MAP3K20: variants seen among roughly 807,000 people sequenced by gnomAD.
MAP3K20 encodes mitogen-activated protein kinase kinase kinase 20, also known as HCCS-4.
Under a neutral mutation model 85.7 loss-of-function variants are expected in MAP3K20, and 40 were observed. The observed-to-expected ratio is 0.47, with a 90% CI of 0.36 to 0.61. The LOEUF (loss-of-function observed/expected upper bound fraction) is 0.61, where lower values mean the gene tolerates loss of function less well. Among genes scored for constraint, MAP3K20 ranks in the 20% least tolerant of loss-of-function variants. The probability of loss-of-function intolerance (pLI) is 0.00; values close to 1 mark genes in which losing one functional copy is unlikely to be tolerated. For synonymous variants in MAP3K20, 325 were observed against 327.7 expected, an observed-to-expected ratio of 0.99 and a Z score of 0.09; for missense variants, 817 against 961.7, an observed-to-expected ratio of 0.85 and a Z score of 1.99.
At chr2:173,229,618 C>A in intron 11 of MAP3K20, 71 bp from the exon 12 acceptor site, 1 of 1,594,756 alleles carries the variant, frequency 6.3e-7, no homozygotes, top group South Asian at 1.1e-5. Flanking sequence ...AAGAGTGAGA[C>A]AAGAGGATGA....
chr2:173,152,414 T>C (rs1422593407), intron 2 of MAP3K20, among the ~76,000 whole-genome samples: 2 of 152,184 alleles, frequency 1.3e-5, no homozygotes, highest in Admixed American at 6.5e-5. Context: ...AGAATACAGA[T>C]TGAAGCCTGT....
upstream of MAP3K20, chr2:173,075,701 G>A: frequency 1.1e-6 from 1 of 938,054 alleles, no homozygotes; most frequent in Non-Finnish European, 1.2e-6. Context: ...GGGTGCCGGG[G>A]CGCGGGGCGG....
chr2:173,264,005 A>G, intron 19 of MAP3K20, 110 bp downstream of exon 19: 1 of 1,409,236 alleles, frequency 7.1e-7, no homozygotes, highest in Non-Finnish European at 9.4e-7. Context: ...GTTAAGATCT[A>G]TCTTTGAGCT....
At chr2:173,226,520 T>C in intron 11 of MAP3K20, 3 of 985,836 alleles carry the variant, frequency 3.0e-6, no homozygotes, top group Non-Finnish European at 3.6e-6. Context: ...CTCTCGATTG[T>C]AGCATAGCCT....
At chr2:173,103,060 AAAAAAAAGAAAAG>A (rs913651394) in intron 2 of MAP3K20, among the ~76,000 whole-genome samples, 36 of 152,228 alleles carry the variant, frequency 2.4e-4, no homozygotes, top group African/African-American at 8.4e-4. Context: ...TCTCAAAAAG[AAAAAAAAGAAAAG>A]AAAAAAAGAA....
chr2:173,075,800 C>G (rs1195593879), upstream of MAP3K20: 3 of 985,390 alleles, frequency 3.0e-6, no homozygotes, highest in Non-Finnish European at 3.6e-6. Context: ...GCGGCCCAGC[C>G]GTTTCGCGCC....
chr2:173,224,051 T>C, intron 11 of MAP3K20: 1 of 965,526 alleles, frequency 1.0e-6, no homozygotes, highest in Non-Finnish European at 1.2e-6. Context: ...ATCTTTGCAC[T>C]CACAGAGCTT....
intron 16 of MAP3K20, among the ~76,000 whole-genome samples, chr2:173,256,482 TAGA>T: frequency 3.6e-4 from 1 of 2,782 alleles, no homozygotes; most frequent in South Asian, 6.8e-3. Context: ...TTTAAAAAAA[TAGA>T]TAGATAGATA....
At chr2:173,109,372 G>C (rs1687876284) in intron 2 of MAP3K20, among the ~76,000 whole-genome samples, 1 of 152,292 alleles carries the variant, frequency 6.6e-6, no homozygotes, top group Middle Eastern at 3.4e-3. Context: ...TTATAAAGGG[G>C]AGAAATCTGT....
intron 11 of MAP3K20, chr2:173,226,001 T>C: frequency 2.0e-6 from 2 of 985,332 alleles, no homozygotes; most frequent in Non-Finnish European, 2.4e-6. Context: ...GAAAGCAAAA[T>C]TACATTTTAC....
At chr2:173,146,404 TGAA>T (rs1283193268) in intron 2 of MAP3K20, among the ~76,000 whole-genome samples, 1 of 152,210 alleles carries the variant, frequency 6.6e-6, no homozygotes, top group African/African-American at 2.4e-5. Flanking sequence ...GAAGGTGAAT[TGAA>T]GTGTAATTCA....
intron 2 of MAP3K20, among the ~76,000 whole-genome samples, chr2:173,123,877 C>G (rs1246695500): frequency 1.3e-5 from 2 of 152,012 alleles, no homozygotes. Flanking sequence ...TAGACTTGGG[C>G]TGGGGGTTAA....
chr2:173,138,037 G>A lies in MAP3K20; in HGVS notation c.160-31768G>A, dbSNP rs903697411. Among the ~76,000 whole-genome samples, 7 of 152,080 alleles carry A rather than the reference G, an allele frequency of 4.6e-5. No homozygotes were observed. In the East Asian group the frequency reaches 7.7e-4, roughly 17 times the overall value. On this transcript the variant is annotated intron_variant, in intron 2 of 19. Transcript: ENST00000375213. ...CTGGAGTGTGCAGTGGCGTGATCTC[G>A]GCTCACTGCAACCTCCGCCTCACAG...
chr2:173,079,464 A>G (rs1167288670), intron 1 of MAP3K20, among the ~76,000 whole-genome samples: 1 of 152,128 alleles, frequency 6.6e-6, no homozygotes, highest in Non-Finnish European at 1.5e-5. Context: ...GATTTATTTA[A>G]ACATTTTTCT....
At chr2:173,215,858 T>C (rs1023595370) in intron 10 of MAP3K20, 5 of 152,216 alleles carry the variant, frequency 3.3e-5, no homozygotes, top group African/African-American at 1.2e-4. Flanking sequence ...AAGGCAGACT[T>C]TGGTTACATA....
At chr2:173,203,428 C>G (rs1253952981) in intron 8 of MAP3K20, among the ~76,000 whole-genome samples, 1 of 152,104 alleles carries the variant, frequency 6.6e-6, no homozygotes, top group African/African-American at 2.4e-5. Context: ...GTTACCTGGC[C>G]TATTTACATA....
intron 16 of MAP3K20, among the ~76,000 whole-genome samples, chr2:173,240,633 A>G (rs1038738452): frequency 6.6e-6 from 1 of 152,236 alleles, no homozygotes; most frequent in East Asian, 1.9e-4. Context: ...ACAATGAGAT[A>G]TCATCTCACC....
intron 2 of MAP3K20, among the ~76,000 whole-genome samples, chr2:173,168,270 C>T (rs1392939576): frequency 2.0e-5 from 3 of 152,046 alleles, no homozygotes; most frequent in Non-Finnish European, 2.9e-5. Flanking sequence ...TCTATACACA[C>T]GAGGCACTCA....
intron 7 of MAP3K20, among the ~76,000 whole-genome samples, chr2:173,191,559 C>A (rs1690651655): frequency 6.6e-6 from 1 of 152,250 alleles, no homozygotes; most frequent in Non-Finnish European, 1.5e-5. Context: ...TAATGGATTG[C>A]TTAAACAGTA....
Sources: allele counts gnomAD v4.1 joint callset (sites outside exome capture counted in the v4.1 genomes callset), GRCh38; gene constraint gnomAD v4.1.1; transcripts MANE v1.5; gene names NCBI Gene and HGNC (gene_info 2026-07-23, HGNC 2026-07-21).